CELF4: variants seen among roughly 807,000 people sequenced by gnomAD.
CELF4 encodes CUGBP Elav-like family member 4.
CELF4 carries 18 observed loss-of-function variants against 59.9 expected under a neutral mutation model. The observed-to-expected ratio is 0.30, with a 90% CI of 0.21 to 0.45. CELF4 has a LOEUF of 0.45. CELF4 is among the 20% of genes least tolerant of loss of function. The pLI is 1.00. For missense variants in CELF4, 456 were observed against 689.0 expected (o/e 0.66, Z 3.79); for synonymous variants, 261 against 267.1 (o/e 0.98, Z 0.22).
At chr18:37,311,064 C>G (rs1016076043) in intron 3 of CELF4, among the ~76,000 whole-genome samples, 3 of 151,836 alleles carry the variant, frequency 2.0e-5, no homozygotes, top group Non-Finnish European at 4.4e-5. Flanking sequence ...ATCCCATTTC[C>G]CCTGAAACAA....
intron 1 of CELF4, among the ~76,000 whole-genome samples, chr18:37,540,187 A>G (rs2099976774): frequency 6.6e-6 from 1 of 152,212 alleles, no homozygotes; most frequent in East Asian, 1.9e-4. Context: ...TGGGGACCCA[A>G]GTGCCTGTCT....
intron 2 of CELF4, among the ~76,000 whole-genome samples, chr18:37,384,555 A>G (rs2099078714): frequency 6.6e-6 from 1 of 152,120 alleles, no homozygotes; most frequent in Admixed American, 6.5e-5. Flanking sequence ...ATGTAGACAC[A>G]GGCCTGGGAC....
At chr18:37,376,563 G>A (rs896897575) in intron 2 of CELF4, among the ~76,000 whole-genome samples, 1 of 152,194 alleles carries the variant, frequency 6.6e-6, no homozygotes, top group African/African-American at 2.4e-5. Context: ...AGTGCTGGGG[G>A]CTTGAGAGAA....
intron 1 of CELF4, among the ~76,000 whole-genome samples, chr18:37,528,692 G>A (rs2000698): frequency 0.4 from 60,960 of 151,942 alleles, 13,420 homozygotes; most frequent in Admixed American, 0.54. Context: ...GCACCTTCTG[G>A]AGACTGGGAT....
At chr18:37,355,622 G>A (rs1009148398) in intron 2 of CELF4, among the ~76,000 whole-genome samples, 58 of 151,560 alleles carry the variant, frequency 3.8e-4, no homozygotes, top group African/African-American at 1.2e-3. Context: ...GCAGTGAGCC[G>A]AGATCACACC....
chr18:37,395,703 T>C (rs532550022), intron 2 of CELF4, among the ~76,000 whole-genome samples: 2 of 152,320 alleles, frequency 1.3e-5, no homozygotes, highest in South Asian at 4.1e-4. Flanking sequence ...TCCAATCCAA[T>C]TGACCTCTTG....
Position 37,495,614 on chromosome 18 carries a change from C to T in CELF4, c.287-10007G>A, listed in dbSNP as rs138970906. Among the ~76,000 whole-genome samples, 714 of 152,192 alleles carry T rather than the reference C, an allele frequency of 4.7e-3. 4 individuals carry two copies. Among genetic ancestry groups the T allele is most frequent in the African/African-American group, 0.016 (646 of 41,526 alleles). The stretch of plus-strand genomic sequence containing the variant: ...CACAGCGAGCTCAGCAAATACTTGC[C>T]GAGTGAGTGGCAGAGAATTCCCCTT... On this transcript the variant is annotated intron_variant, in intron 1 of 12. Coordinates refer to ENST00000420428, the MANE Select transcript of CELF4 (RefSeq NM_020180.4).
intron 1 of CELF4, among the ~76,000 whole-genome samples, chr18:37,556,427 G>A (rs1485599817): frequency 6.6e-6 from 1 of 152,220 alleles, no homozygotes; most frequent in Non-Finnish European, 1.5e-5. Flanking sequence ...TGAAAGCCTG[G>A]CATGCCAGCA....
At chr18:37,274,194 C>T in intron 6 of CELF4, 117 bp downstream of exon 6, 2 of 1,518,740 alleles carry the variant, frequency 1.3e-6, no homozygotes, top group South Asian at 2.6e-5. Context: ...CCGGCCCCTC[C>T]TCACTCTGGA....
chr18:37,373,300 C>T (rs889681320), intron 2 of CELF4, among the ~76,000 whole-genome samples: 1 of 152,228 alleles, frequency 6.6e-6, no homozygotes, highest in African/African-American at 2.4e-5. Flanking sequence ...CTCACAGGCG[C>T]AGCCATGTGC....
chr18:37,429,294 GT>G (rs2099633440), intron 2 of CELF4, among the ~76,000 whole-genome samples: 2 of 152,248 alleles, frequency 1.3e-5, no homozygotes, highest in Admixed American at 1.3e-4. Context: ...AGCTGGGAAG[GT>G]GCATGTGTAA....
chr18:37,481,831 C>T (rs543752892), intron 2 of CELF4, among the ~76,000 whole-genome samples: 37 of 152,354 alleles, frequency 2.4e-4, no homozygotes, highest in African/African-American at 8.7e-4. Flanking sequence ...GGCAGGTATC[C>T]TGAGCTTTGG....
chr18:37,483,624 A>G (rs1410048902), intron 2 of CELF4, among the ~76,000 whole-genome samples: 1 of 152,224 alleles, frequency 6.6e-6, no homozygotes, highest in Non-Finnish European at 1.5e-5. Flanking sequence ...ATGAAGGATT[A>G]GCACAGATTA....
chr18:37,281,846 C>G (rs1164824862), intron 3 of CELF4, among the ~76,000 whole-genome samples: 2 of 152,194 alleles, frequency 1.3e-5, no homozygotes, highest in Non-Finnish European at 2.9e-5. Flanking sequence ...TCTACTCTCT[C>G]TGGGCCCGCA....
chr18:37,466,333 T>C (rs1203030410), intron 2 of CELF4, among the ~76,000 whole-genome samples: 1 of 151,060 alleles, frequency 6.6e-6, no homozygotes, highest in Non-Finnish European at 1.5e-5. Flanking sequence ...GCCAGGAGTC[T>C]CCAGATGGTG....
chr18:37,320,849 T>G (rs1449945301), intron 3 of CELF4, among the ~76,000 whole-genome samples: 1 of 151,504 alleles, frequency 6.6e-6, no homozygotes, highest in Non-Finnish European at 1.5e-5. Flanking sequence ...GGCTGGGGAG[T>G]CTGTTTCTCT....
intron 2 of CELF4, among the ~76,000 whole-genome samples, chr18:37,453,522 G>A (rs4799929): frequency 0.078 from 11,926 of 152,244 alleles, 776 homozygotes; most frequent in Admixed American, 0.2. Context: ...CTGACTTTAA[G>A]GGCTATGGGA....
At position 37,547,263 on chromosome 18, in the gene CELF4, C is replaced by A. The variant is rs549936486; in HGVS notation, c.286+18093G>T. Among the ~76,000 whole-genome samples the A allele has an allele frequency of 9.2e-5, 14 of 152,162 alleles. No individual in the cohort carries two copies. In the East Asian group the frequency reaches 2.3e-3, roughly 25 times the overall value. ...TCCCATGAGCCAACAGGAGCCCCCC[C>A]AGGCTGGAGCAGCCTTGGGTGGACG... is the stretch of plus-strand genomic sequence containing the variant. On this transcript the variant is annotated intron_variant, in intron 1 of 12. Coordinates refer to ENST00000420428, the MANE Select transcript of CELF4 (RefSeq NM_020180.4).
At chr18:37,378,831 G>A (rs1394360544) in intron 2 of CELF4, among the ~76,000 whole-genome samples, 1 of 152,016 alleles carries the variant, frequency 6.6e-6, no homozygotes, top group East Asian at 1.9e-4. Context: ...CAGGCCCTGG[G>A]GACAGCATGG....
Sources: allele counts gnomAD v4.1 joint callset (sites outside exome capture counted in the v4.1 genomes callset), GRCh38; gene constraint gnomAD v4.1.1; transcripts MANE v1.5; gene names NCBI Gene and HGNC (gene_info 2026-07-23, HGNC 2026-07-21).